SYTL5: variants seen among roughly 807,000 people sequenced by gnomAD.
The protein encoded by SYTL5 is synaptotagmin-like protein 5.
SYTL5 carries 34 observed loss-of-function variants against 55.9 expected under a neutral mutation model. The observed-to-expected ratio is 0.61, with a 90% confidence interval of 0.46 to 0.81. The LOEUF (loss-of-function observed/expected upper bound fraction) is 0.81, where lower values mean the gene tolerates loss of function less well. SYTL5 is among the 30% of genes least tolerant of loss of function. The pLI, the probability that SYTL5 is intolerant of heterozygous loss-of-function variation, is 0.00. For synonymous variants in SYTL5, 221 were observed against 188.7 expected (o/e 1.17, Z -1.40); for missense variants, 637 against 546.7 (o/e 1.17, Z -1.65).
At chrX:38,120,526 G>A in intron 14 of SYTL5, 60 bp downstream of exon 14, 1 of 861,245 alleles carries the variant, frequency 1.2e-6, no homozygotes, top group East Asian at 3.1e-5. Flanking sequence ...TGTGGTAGTG[G>A]GACTCAGGGA....
chrX:38,094,420 C>T lies in SYTL5; in HGVS notation c.957C>T (p.Ser319=). ...TAGCAGTGTCTGGAACCTCTCTCTC[C>T]TCAGGTGGGTATTTACAATGTGCCT... ...PSIAVSGTSL[S]SDQSRSELDL... The change falls in exon 8 of 17, where the codon TCC becomes TCT. Residue 319 remains serine (S), a synonymous_variant. Coordinates refer to ENST00000297875, the MANE Select transcript of SYTL5 (RefSeq NM_138780.3). The T allele has an allele frequency of 1.7e-6, 2 of 1,194,812 alleles. No homozygotes were observed. The highest frequency in any genetic ancestry group is 2.3e-6 in the Non-Finnish European group (2 of 884,108).
chrX:38,104,226 A>G (rs2147600184), intron 10 of SYTL5, among the ~76,000 whole-genome samples: 1 of 112,132 alleles, frequency 8.9e-6, no homozygotes, highest in South Asian at 3.7e-4. Context: ...GGTGTCTGAT[A>G]GGTGTTGTTG....
Position 38,054,844 on chromosome X carries a change from C to T in SYTL5, c.329+422C>T, listed in dbSNP as rs570416961. Among the ~76,000 whole-genome samples the T allele has an allele frequency of 1.4e-4, 15 of 110,485 alleles. No homozygotes were observed. The South Asian group carries it at 6.0e-3, about 44-fold the overall frequency. On this transcript the variant is annotated intron_variant, in intron 3 of 16. Coordinates refer to ENST00000297875, the MANE Select transcript of SYTL5 (RefSeq NM_138780.3). ...TCCTGGGCTCAAGTGATCCACTCAT[C>T]TCAGCCTCCAGAATAGCTGAGACTA... is the stretch of plus-strand genomic sequence containing the variant.
chrX:38,019,628 ATTTG>A (rs760329908), intron 1 of SYTL5, among the ~76,000 whole-genome samples: 1 of 110,416 alleles, frequency 9.1e-6, no homozygotes, highest in Non-Finnish European at 1.9e-5. Context: ...TTTGTTTTTT[ATTTG>A]TTTGTTTGTT....
At chrX:37,956,330 A>T in the SYTL5 span, among the ~76,000 whole-genome samples, 1 of 111,918 alleles carries the variant, frequency 8.9e-6, no homozygotes, top group Admixed American at 9.5e-5. Context: ...CTCTCTACAA[A>T]TTTTTAAATG....
At chrX:38,065,026 G>C (rs933397338) in intron 3 of SYTL5, among the ~76,000 whole-genome samples, 2 of 110,767 alleles carry the variant, frequency 1.8e-5, no homozygotes, top group Non-Finnish European at 3.8e-5. Flanking sequence ...CTCATCCCAT[G>C]TTATCCTTTC....
chrX:37,895,277 C>T, the SYTL5 span, among the ~76,000 whole-genome samples: 1 of 112,372 alleles, frequency 8.9e-6, no homozygotes. Context: ...ATTGTATGAT[C>T]TTTGGTAAAT....
At chrX:37,950,295 T>G in the SYTL5 span, among the ~76,000 whole-genome samples, 2 of 111,566 alleles carry the variant, frequency 1.8e-5, no homozygotes, top group Non-Finnish European at 3.8e-5. Context: ...TCTACAGTAT[T>G]TCTCACTTAG....
intron 1 of SYTL5, among the ~76,000 whole-genome samples, chrX:38,011,089 G>A (rs1232556127): frequency 8.9e-6 from 1 of 112,126 alleles, no homozygotes; most frequent in Non-Finnish European, 1.9e-5. Context: ...TTAGAATCTG[G>A]TTAAAAGGGC....
At chrX:37,975,950 G>T in the SYTL5 span, among the ~76,000 whole-genome samples, 2 of 111,584 alleles carry the variant, frequency 1.8e-5, no homozygotes, top group African/African-American at 6.5e-5. Flanking sequence ...TCAGTGCATA[G>T]TAGTGGGTAC....
intron 1 of SYTL5, among the ~76,000 whole-genome samples, chrX:38,021,967 A>G (rs1353378682): frequency 8.9e-6 from 1 of 112,508 alleles, no homozygotes; most frequent in Non-Finnish European, 1.9e-5. Flanking sequence ...ATGAAGGATC[A>G]GGTTGTTTGT....
intron 2 of SYTL5, among the ~76,000 whole-genome samples, chrX:38,046,599 G>C (rs1023133780): frequency 2.7e-5 from 3 of 111,661 alleles, no homozygotes; most frequent in Non-Finnish European, 5.6e-5. Context: ...TGGGGACAGA[G>C]CCAAACCATA....
chrX:37,893,747 TAG>T, the SYTL5 span, among the ~76,000 whole-genome samples: 1 of 82,487 alleles, frequency 1.2e-5, no homozygotes, highest in African/African-American at 5.1e-5. Context: ...AGATAAACTA[TAG>T]ATTATATATA....
intron 13 of SYTL5, among the ~76,000 whole-genome samples, chrX:38,117,314 A>T (rs773924260): frequency 8.9e-6 from 1 of 112,162 alleles, no homozygotes; most frequent in Non-Finnish European, 1.9e-5. Flanking sequence ...CTTGAAGTCT[A>T]TATTTATACG....
At chrX:38,053,734 C>A (rs1343128313) in intron 2 of SYTL5, among the ~76,000 whole-genome samples, 1 of 111,857 alleles carries the variant, frequency 8.9e-6, no homozygotes, top group Non-Finnish European at 1.9e-5. Flanking sequence ...GGTAAAGAAC[C>A]AGGTACTGTG....
the SYTL5 span, among the ~76,000 whole-genome samples, chrX:37,927,752 G>T: frequency 3.6e-5 from 4 of 110,737 alleles, no homozygotes; most frequent in Non-Finnish European, 7.6e-5. Context: ...CTCCAGCCTG[G>T]GTGACAGAAC....
intron 2 of SYTL5, among the ~76,000 whole-genome samples, chrX:38,041,841 A>T (rs1935297620): frequency 8.9e-6 from 1 of 112,040 alleles, no homozygotes; most frequent in Non-Finnish European, 1.9e-5. Flanking sequence ...ATTTTATTTT[A>T]TTGACACATA....
intron 1 of SYTL5, among the ~76,000 whole-genome samples, chrX:38,026,576 G>A (rs1048481279): frequency 2.7e-5 from 3 of 112,082 alleles, no homozygotes; most frequent in African/African-American, 9.7e-5. Flanking sequence ...GCTGTTGGTT[G>A]TCCATTTTTA....
the SYTL5 span, among the ~76,000 whole-genome samples, chrX:37,889,151 G>T: frequency 8.9e-6 from 1 of 112,032 alleles, no homozygotes; most frequent in Non-Finnish European, 1.9e-5. Flanking sequence ...CCACACCAAT[G>T]AAGAGCGGTA....
Sources: allele counts gnomAD v4.1 joint callset (sites outside exome capture counted in the v4.1 genomes callset), GRCh38; gene constraint gnomAD v4.1.1; transcripts MANE v1.5; gene names NCBI Gene and HGNC (gene_info 2026-07-23, HGNC 2026-07-21).